The following CDK5RAP2 variants were observed in gnomAD, a reference collection of about 807,000 sequenced individuals.
The protein encoded by CDK5RAP2 is CDK5 regulatory subunit-associated protein 2.
In CDK5RAP2, 147 loss-of-function variants were observed where a neutral mutation model predicts 232.9. The observed-to-expected ratio is 0.63, with a 90% CI of 0.55 to 0.72. The LOEUF is 0.72. Among genes scored for constraint, CDK5RAP2 ranks in the 30% least tolerant of loss-of-function variants. The pLI, the probability that CDK5RAP2 is intolerant of heterozygous loss-of-function variation, is 0.00. For synonymous variants in CDK5RAP2, 833 were observed against 833.7 expected (o/e 1.00, Z 0.01); for missense variants, 2,195 against 2,231.5 (o/e 0.98, Z 0.33).
intron 3 of CDK5RAP2, among the ~76,000 whole-genome samples, chr9:120,561,138 T>C (rs2042448383): frequency 6.6e-6 from 1 of 152,074 alleles, no homozygotes; most frequent in Non-Finnish European, 1.5e-5. Context: ...TAGTAAACAA[T>C]ACTGCATGTA....
intron 9 of CDK5RAP2, among the ~76,000 whole-genome samples, chr9:120,528,253 A>G (rs569729495): frequency 3.3e-5 from 5 of 152,358 alleles, no homozygotes; most frequent in Admixed American, 2.0e-4. Context: ...TTTGGGAGAA[A>G]TAACAGATCA....
At chr9:120,464,508 G>A (rs887142443) in intron 18 of CDK5RAP2, among the ~76,000 whole-genome samples, 5 of 152,118 alleles carry the variant, frequency 3.3e-5, no homozygotes, top group Non-Finnish European at 7.4e-5. Context: ...GAAACAAGTC[G>A]TTTTCAGGAT....
chr9:120,517,865 GC>G, intron 12 of CDK5RAP2: 1 of 384,894 alleles, frequency 2.6e-6, no homozygotes, highest in Non-Finnish European at 5.2e-6. Flanking sequence ...TTCAGGAACA[GC>G]CCAGGAAACA....
intron 12 of CDK5RAP2, among the ~76,000 whole-genome samples, chr9:120,500,934 G>A (rs561767326): frequency 6.6e-6 from 1 of 152,114 alleles, no homozygotes; most frequent in African/African-American, 2.4e-5. Context: ...GTGGAGTAAG[G>A]GGGGGCCTGG....
In CDK5RAP2 at chr9:120,571,797, T is replaced by A. The variant is rs113075223; in HGVS notation, c.127+177A>T. On this transcript the variant is annotated intron_variant, in intron 2 of 37. Coordinates refer to ENST00000349780, the MANE Select transcript of CDK5RAP2 (RefSeq NM_018249.6). ...AAGGACAACAATTCCTCTAGTCCAG[T>A]GTTTATGAAAGGAGGTGGAAAGCAA... is the stretch of plus-strand genomic sequence containing the variant. 6.9e-4 allele frequency: 453 copies of A among 660,280 alleles called. 4 individuals carry two copies. In the African/African-American group the frequency reaches 7.4e-3, roughly 11 times the overall value. 40.9% of individuals were successfully genotyped at this position (660,280 alleles called of 1,614,324 possible). A position where few individuals can be genotyped will look rare whatever the true frequency, so the allele number is the denominator to read the frequency against.
At chr9:120,528,244 T>C (rs2040993903) in intron 9 of CDK5RAP2, among the ~76,000 whole-genome samples, 1 of 152,228 alleles carries the variant, frequency 6.6e-6, no homozygotes, top group African/African-American at 2.4e-5. Context: ...ACCAGGTTAT[T>C]TGGGAGAAAT....
chr9:120,409,491 G>C (rs2033711716), intron 29 of CDK5RAP2, among the ~76,000 whole-genome samples, 175 bp from the exon 30 acceptor site: 1 of 152,230 alleles, frequency 6.6e-6, no homozygotes, highest in Non-Finnish European at 1.5e-5. Context: ...CAACATCAAG[G>C]CTGCAGATTA....
chr9:120,578,659 C>G (rs968084699), intron 1 of CDK5RAP2, among the ~76,000 whole-genome samples: 3 of 151,862 alleles, frequency 2.0e-5, no homozygotes, highest in Non-Finnish European at 4.4e-5. Flanking sequence ...ATCAACCTTC[C>G]GGGCTCATGC....
At chr9:120,559,907 C>T (rs560296163) in intron 3 of CDK5RAP2, among the ~76,000 whole-genome samples, 1 of 152,332 alleles carries the variant, frequency 6.6e-6, no homozygotes, top group Admixed American at 6.5e-5. Context: ...CTGTCAAAAG[C>T]CTTGCCTAGC....
At chr9:120,576,335 A>G (rs1266106089) in intron 1 of CDK5RAP2, among the ~76,000 whole-genome samples, 2 of 152,230 alleles carry the variant, frequency 1.3e-5, no homozygotes, top group African/African-American at 2.4e-5. Flanking sequence ...CATTTCTCCA[A>G]AGAAAGTGAA....
intron 18 of CDK5RAP2, among the ~76,000 whole-genome samples, chr9:120,462,142 A>G (rs767819837): frequency 6.6e-6 from 1 of 152,250 alleles, no homozygotes; most frequent in Non-Finnish European, 1.5e-5. Context: ...ATCTGCAATC[A>G]GGATCAAACA....
intron 8 of CDK5RAP2, 27 bp downstream of exon 8, chr9:120,529,951 C>T: frequency 1.2e-6 from 2 of 1,611,524 alleles, no homozygotes; most frequent in Non-Finnish European, 1.7e-6. Flanking sequence ...CTAATTAAAG[C>T]CCCCTCTTCA....
intron 32 of CDK5RAP2, 35 bp from the exon 33 acceptor site, chr9:120,404,148 A>T: frequency 7.4e-7 from 1 of 1,348,508 alleles, no homozygotes; most frequent in Non-Finnish European, 1.1e-6. Context: ...TGTTAGTTTC[A>T]CTGTTGTCAG....
intron 1 of CDK5RAP2, among the ~76,000 whole-genome samples, chr9:120,579,146 G>A (rs1160322617): frequency 6.6e-6 from 1 of 152,148 alleles, no homozygotes. Flanking sequence ...CTTGGGGCAG[G>A]TCCATGGGAG....
intron 3 of CDK5RAP2, among the ~76,000 whole-genome samples, chr9:120,558,400 A>AAAAG (rs2042324186): frequency 6.7e-6 from 1 of 149,350 alleles, no homozygotes; most frequent in African/African-American, 2.5e-5. Context: ...AAAAAAAAAA[A>AAAAG]GAATTTCTTT....
Position 120,467,878 on chromosome 9 carries a change from C to A in CDK5RAP2, c.2088G>T (p.Ala696=). The change falls in exon 18 of 38, where the codon GCG becomes GCT. Residue 696 remains alanine (A), a synonymous_variant. Coordinates refer to ENST00000349780, the MANE Select transcript of CDK5RAP2 (RefSeq NM_018249.6). ...FQGNGFPDRL[A]STEQTELLAS... ...TTCTTACCTCTGTTTGTTCTGTAGA[C>A]GCAAGTCTATCTGGAAACCCATTTC... 5 of 1,614,112 alleles carry A rather than the reference C, an allele frequency of 3.1e-6. No individual in the cohort carries two copies. The highest frequency in any genetic ancestry group is 4.2e-6 in the Non-Finnish European group (5 of 1,179,996).
intron 14 of CDK5RAP2, among the ~76,000 whole-genome samples, chr9:120,485,561 G>A (rs2038556616): frequency 6.6e-6 from 1 of 152,068 alleles, no homozygotes; most frequent in Non-Finnish European, 1.5e-5. Context: ...CCAAAGTGCT[G>A]GGATTACAGG....
intron 12 of CDK5RAP2, among the ~76,000 whole-genome samples, chr9:120,493,878 G>A (rs2039025763): frequency 6.6e-6 from 1 of 152,192 alleles, no homozygotes; most frequent in Non-Finnish European, 1.5e-5. Flanking sequence ...GATCGCTTGA[G>A]GTCAGGAGTT....
chr9:120,388,990 C>A lies in CDK5RAP2; in HGVS notation c.*246G>T. 3.4e-6 allele frequency: 2 copies of A among 583,838 alleles called. No individual in the cohort carries two copies. The highest frequency in any genetic ancestry group is 6.1e-6 in the Non-Finnish European group (2 of 329,596). 36.2% of individuals were successfully genotyped at this position (583,838 alleles called of 1,614,324 possible). On this transcript the variant is annotated 3_prime_UTR_variant, in exon 38 of 38. Transcript: ENST00000349780. ...AGGCGCACAGCCTCAACTCCGGTGC[C>A]TGCCCCTGATCTGAAATACAACATC... is the stretch of plus-strand genomic sequence containing the variant.
Sources: allele counts gnomAD v4.1 joint callset (sites outside exome capture counted in the v4.1 genomes callset), GRCh38; gene constraint gnomAD v4.1.1; transcripts MANE v1.5; gene names NCBI Gene and HGNC (gene_info 2026-07-23, HGNC 2026-07-21).